The following STRADA variants were observed in gnomAD, a reference collection of about 807,000 sequenced individuals.
The protein encoded by STRADA is STE20 related adaptor alpha, also known as STE20-related kinase adapter protein alpha.
In STRADA, 26 loss-of-function variants were observed where a neutral mutation model predicts 55.0. The observed-to-expected ratio is 0.47, with a 90% CI of 0.35 to 0.66. The LOEUF (loss-of-function observed/expected upper bound fraction) is 0.66, where lower values mean the gene tolerates loss of function less well. Ranked by LOEUF, STRADA falls within the 30% of genes least tolerant of loss-of-function variation. STRADA has a pLI of 0.01. For synonymous variants in STRADA, 197 were observed against 210.9 expected, an observed-to-expected ratio of 0.93 and a Z score of 0.57; for missense variants, 443 against 549.7, an observed-to-expected ratio of 0.81 and a Z score of 1.94.
At chr17:63,740,147 T>TACACACACATATATACACACACAC (rs2038822732) in intron 1 of STRADA, among the ~76,000 whole-genome samples, 1 of 67,010 alleles carries the variant, frequency 1.5e-5, no homozygotes, top group African/African-American at 6.9e-5. Context: ...TATATATATA[T>TACACACACATATATACACACACAC]ACACACACAC....
rs1048209686 is a variant in STRADA at position 63,706,447 on chromosome 17, A to G, written c.858+188T>C. The G allele has an allele frequency of 1.4e-5, 8 of 563,004 alleles. No individual in the cohort carries two copies. In the Admixed American group the frequency reaches 1.9e-4, roughly 14 times the overall value. 34.9% of individuals were successfully genotyped at this position (563,004 alleles called of 1,614,324 possible). On this transcript the variant is annotated intron_variant, in intron 10 of 12. Transcript: ENST00000336174. ...CCTCCCCAAGCTGGCCTCCCTTACC[A>G]CCAGGTTTGCCACAGGAAGTAAACA...
chr17:63,713,988 G>A lies in STRADA; in HGVS notation c.226+18C>T, dbSNP rs759965584. 6.2e-7 allele frequency: 1 copy of A among 1,603,306 alleles called. No individual in the cohort carries two copies. Among genetic ancestry groups the A allele is most frequent in the Non-Finnish European group, 8.5e-7 (1 of 1,170,322 alleles). On this transcript the variant is annotated intron_variant, in intron 5 of 12. Coordinates refer to ENST00000336174, the MANE Select transcript of STRADA (RefSeq NM_001003787.4). ...CTGGAGCAGAAAGCAGGAGAGTAAG[G>A]ACGGCCCCTGCACATACCTATCACA...
In STRADA at chr17:63,704,555, C is replaced by T. The variant is rs767384413; in HGVS notation, c.886G>A (p.Val296Met). The T allele has an allele frequency of 1.3e-6, 2 of 1,505,702 alleles. No individual in the cohort carries two copies. Among genetic ancestry groups the T allele is most frequent in the South Asian group, 1.2e-5 (1 of 83,130 alleles). 93.3% of individuals were successfully genotyped at this position (1,505,702 alleles called of 1,614,324 possible). Reference sequence around the variant, plus strand: ...GTGCTGGTATCCAACAGGCAGGGCACTGTGCCGTTCAGTTTCTCTAGCAGC... The same window carrying T: ...GTGCTGGTATCCAACAGGCAGGGCATTGTGCCGTTCAGTTTCTCTAGCAGC... ...QMLLEKLNGT[V>M]PCLLDTSTIP... is the part of the protein sequence containing the mutation. The change falls in exon 11 of 13, where the codon GTG becomes ATG. Residue 296 changes from valine (V) to methionine (M), a missense_variant. Val to Met is a conservative substitution (Grantham distance 21). Transcript: ENST00000336174.
Position 63,735,299 on chromosome 17 carries a change from T to TA in STRADA, c.-45+6441dup, listed in dbSNP as rs1025826912. On this transcript the variant is annotated intron_variant, in intron 1 of 12. Transcript: ENST00000336174. ...ACTTAAGGGTGACAATATGGCGTAG[T>TA]AAAAAAAGCACATACTCTGAAATAA... is the stretch of plus-strand genomic sequence containing the variant. 4.6e-5 allele frequency among the ~76,000 whole-genome samples: 7 copies of TA among 152,296 alleles called. 1 individual carries two copies. The highest frequency in any genetic ancestry group is 1.4e-4 in the African/African-American group (6 of 41,564).
chr17:63,704,405 G>A lies in STRADA; in HGVS notation c.1036C>T (p.Arg346Ter), dbSNP rs748855607. Residue 346 changes from arginine to a stop codon, truncating the protein, a stop_gained, in exon 11 of 13, where the codon CGA (arginine) becomes TGA (stop). Transcript: ENST00000336174. LOFTEE classifies it high-confidence loss of function. The part of the protein sequence containing the change: ...NGDSPSHPYH[R>*]TFSPHFHHFV... ...TGGTGGAAGTGGGGGGAGAAGGTTC[G>A]GTGGTAGGGGTGGGAGGGCGAGTCA... is the stretch of plus-strand genomic sequence containing the variant. The A allele has an allele frequency of 3.7e-6, 6 of 1,612,388 alleles. No homozygotes were observed. The highest frequency in any genetic ancestry group is 1.3e-5 in the African/African-American group (1 of 74,906).
At chr17:63,715,719 G>C (rs2036828446) in intron 4 of STRADA, among the ~76,000 whole-genome samples, 1 of 152,162 alleles carries the variant, frequency 6.6e-6, no homozygotes, top group Non-Finnish European at 1.5e-5. Context: ...GAGGAACCTA[G>C]TCAAGCAAAA....
intron 10 of STRADA, chr17:63,705,059 G>A (rs2035992069): frequency 1.3e-6 from 1 of 772,054 alleles, no homozygotes; most frequent in East Asian, 2.7e-5. Flanking sequence ...GATGCCCAAG[G>A]GGAGGCCAGG....
In STRADA at chr17:63,723,278, G is replaced by C. The variant is rs1241542082; in HGVS notation, c.123+20C>G. Reference sequence around the variant, plus strand: ...TCTCCATGCAACAGCCATAGTGCTAGGGCCTAGGAAGCCACTTACTTTTCT... The same window carrying C: ...TCTCCATGCAACAGCCATAGTGCTACGGCCTAGGAAGCCACTTACTTTTCT... On this transcript the variant is annotated intron_variant, in intron 4 of 12. Coordinates refer to ENST00000336174, the MANE Select transcript of STRADA (RefSeq NM_001003787.4). 23 of 1,614,110 alleles carry C rather than the reference G, an allele frequency of 1.4e-5. No homozygotes were observed. The highest frequency in any genetic ancestry group is 1.7e-5 in the Admixed American group (1 of 60,020).
chr17:63,736,565 T>C (rs2038439509), intron 1 of STRADA, among the ~76,000 whole-genome samples: 1 of 151,442 alleles, frequency 6.6e-6, no homozygotes, highest in South Asian at 2.1e-4. Flanking sequence ...GAGGCAGAGG[T>C]TGCAGTGAGC....
At position 63,703,698 on chromosome 17, in the gene STRADA, G is replaced by A; in HGVS notation, c.1197C>T (p.Pro399=). ...ACTGGCTGCCCTCAAAATTGGTGAT[G>A]GGGGTGACAGGACGAAGCAATTCGG... ...ALPELLRPVT[P]ITNFEGSQSQ... The change falls in exon 13 of 13, where the codon CCC becomes CCT. Residue 399 remains proline (P), a synonymous_variant. Transcript: ENST00000336174. 1.2e-6 allele frequency: 2 copies of A among 1,614,210 alleles called. No individual in the cohort carries two copies. Among genetic ancestry groups the A allele is most frequent in the East Asian group, 2.2e-5 (1 of 44,886 alleles).
At chr17:63,728,237 C>T (rs543377264) in intron 2 of STRADA, 97 bp downstream of exon 2, 38 of 1,159,112 alleles carry the variant, frequency 3.3e-5, no homozygotes, top group African/African-American at 6.2e-5. Flanking sequence ...CGTATCATTC[C>T]GACCCTCACG....
chr17:63,712,283 G>A (rs947840355), intron 6 of STRADA, among the ~76,000 whole-genome samples: 1 of 152,202 alleles, frequency 6.6e-6, no homozygotes, highest in African/African-American at 2.4e-5. Flanking sequence ...GAGTTTGGTA[G>A]TGCAATCTCA....
intron 1 of STRADA, chr17:63,741,502 C>T (rs2038945896): frequency 6.5e-6 from 1 of 153,868 alleles, no homozygotes; most frequent in African/African-American, 2.4e-5. Flanking sequence ...GAGCCCGCCT[C>T]TCTCGCCCGG....
intron 9 of STRADA, among the ~76,000 whole-genome samples, chr17:63,706,955 T>G (rs2036132011): frequency 6.6e-6 from 1 of 152,226 alleles, no homozygotes; most frequent in Admixed American, 6.5e-5. Flanking sequence ...ATGCCCCTGC[T>G]TAGCACAGGG....
Position 63,708,702 on chromosome 17 carries a change from T to C in STRADA, c.582-1284A>G, listed in dbSNP as rs2036284450. 2.0e-5 allele frequency among the ~76,000 whole-genome samples: 3 copies of C among 152,006 alleles called. No homozygotes were observed. In the South Asian group the frequency reaches 6.2e-4, roughly 32 times the overall value. ...GGCACCTGCCACCATGCCCGGCTAA[T>C]TTTTGTATGTTTAGTAGAGACAGGG... On this transcript the variant is annotated intron_variant, in intron 8 of 12. Coordinates refer to ENST00000336174, the MANE Select transcript of STRADA (RefSeq NM_001003787.4).
chr17:63,728,355 T>C lies in STRADA; in HGVS notation c.15A>G (p.Val5=). 1 of 1,613,372 alleles carries C rather than the reference T, an allele frequency of 6.2e-7. No homozygotes were observed. Among genetic ancestry groups the C allele is most frequent in the Admixed American group, 1.7e-5 (1 of 59,956 alleles). MSFL[V]SKPERIRRWV... is the part of the protein sequence containing the mutation. ...TCACCCTGATTCGCTCTGGTTTACT[T>C]ACAAGAAATGACATGAGTTCCTACT... The change falls in exon 2 of 13, where the codon GTA becomes GTG. Residue 5 remains valine, a synonymous_variant. Transcript: ENST00000336174.
chr17:63,707,602 C>T (rs2143791939), intron 8 of STRADA, 184 bp from the exon 9 acceptor site: 1 of 622,304 alleles, frequency 1.6e-6, no homozygotes, highest in Non-Finnish European at 2.8e-6. Flanking sequence ...ACTCTGTCAC[C>T]CGGCTAGAGT....
At chr17:63,738,065 G>A (rs2038578993) in intron 1 of STRADA, among the ~76,000 whole-genome samples, 1 of 151,758 alleles carries the variant, frequency 6.6e-6, no homozygotes, top group South Asian at 2.1e-4. Flanking sequence ...AGAAGGGGCT[G>A]GGCACGGTGG....
chr17:63,709,858 G>A lies in STRADA; in HGVS notation c.581+633C>T, dbSNP rs576754324. 8.5e-5 allele frequency among the ~76,000 whole-genome samples: 13 copies of A among 152,100 alleles called. No individual in the cohort carries two copies. The South Asian group carries it at 2.7e-3, about 32-fold the overall frequency. ...TCTCTCAGCATAAGACTGACTCTGGGGCACAGAAAGAAGGAGGCAGAGAGT... is the reference window on the plus strand; with the variant it reads ...TCTCTCAGCATAAGACTGACTCTGGAGCACAGAAAGAAGGAGGCAGAGAGT... On this transcript the variant is annotated intron_variant, in intron 8 of 12. Coordinates refer to ENST00000336174, the MANE Select transcript of STRADA (RefSeq NM_001003787.4).
Sources: gnomAD v4.1 joint callset for allele counts (sites outside exome capture counted in the v4.1 genomes callset) on GRCh38, gnomAD v4.1.1 for gene constraint, MANE v1.5 for transcripts, NCBI Gene and HGNC (gene_info 2026-07-23, HGNC 2026-07-21) for gene names.